Variants in GAS2L3 observed in about 807,000 individuals in gnomAD.
GAS2L3 encodes growth arrest specific 2 like 3, also known as GAS2-like protein 3.
In GAS2L3, 28 loss-of-function variants were observed where a neutral mutation model predicts 37.0. The observed-to-expected ratio is 0.76, with a 90% CI of 0.56 to 1.04. The LOEUF (loss-of-function observed/expected upper bound fraction) is 1.04, where lower values mean the gene tolerates loss of function less well. Ranked by LOEUF, GAS2L3 falls within the 50% of genes least tolerant of loss-of-function variation. The probability of loss-of-function intolerance (pLI) is 0.00; values close to 1 mark genes in which losing one functional copy is unlikely to be tolerated. For synonymous variants in GAS2L3, 290 were observed against 296.6 expected, an observed-to-expected ratio of 0.98 and a Z score of 0.23; for missense variants, 793 against 817.6, an observed-to-expected ratio of 0.97 and a Z score of 0.37.
At position 100,578,981 on chromosome 12, in the gene GAS2L3, A is replaced by G. The variant is rs189032359; in HGVS notation, c.-152+5196A>G. Reference sequence around the variant, plus strand: ...CCATGCTTATGGAAATCGAAAAGGCATCCGTTACCTCACTAATGACCTCAA... The same window carrying G: ...CCATGCTTATGGAAATCGAAAAGGCGTCCGTTACCTCACTAATGACCTCAA... On this transcript the variant is annotated intron_variant, in intron 1 of 9. Transcript: ENST00000547754. 253 of 889,742 alleles carry G rather than the reference A, an allele frequency of 2.8e-4. No homozygotes were observed. In the African/African-American group the frequency reaches 3.9e-3, roughly 14 times the overall value. The allele number at this position is 889,742 out of a possible 1,614,324, so 55.1% of individuals were successfully genotyped here. A position where few individuals can be genotyped will look rare whatever the true frequency, so the allele number is the denominator to read the frequency against.
intron 6 of GAS2L3, among the ~76,000 whole-genome samples, chr12:100,616,832 T>C (rs1391016916): frequency 6.6e-6 from 1 of 152,178 alleles, no homozygotes; most frequent in East Asian, 1.9e-4. Flanking sequence ...ATAAATGCCA[T>C]GGCTACATCC....
At position 100,589,247 on chromosome 12, in the gene GAS2L3, G is replaced by A. The variant is rs1313059372; in HGVS notation, c.-151-2489G>A. On this transcript the variant is annotated intron_variant, in intron 1 of 9. Coordinates refer to ENST00000547754, the MANE Select transcript of GAS2L3 (RefSeq NM_174942.3). ...AATTCAGCAAGGTTTCTGGATACAAGCTTAATGTACACAAATCAGTAGCTC... is the reference window on the plus strand; with the variant it reads ...AATTCAGCAAGGTTTCTGGATACAAACTTAATGTACACAAATCAGTAGCTC... Among the ~76,000 whole-genome samples, 5 of 152,162 alleles carry A rather than the reference G, an allele frequency of 3.3e-5. No homozygotes were observed. The East Asian group carries it at 9.7e-4, about 29-fold the overall frequency.
In GAS2L3 at chr12:100,624,990, C is replaced by G; in HGVS notation, c.*100C>G. On this transcript the variant is annotated 3_prime_UTR_variant, in exon 10 of 10. Transcript: ENST00000547754. The stretch of plus-strand genomic sequence containing the variant: ...TTGTGTCTGTCTAAATAGGTGCAGA[C>G]ACTAAGGATAGTGAGGATGGAGGCT... 1 of 905,826 alleles carries G rather than the reference C, an allele frequency of 1.1e-6. No homozygotes were observed. The highest frequency in any genetic ancestry group is 2.3e-5 in the Admixed American group (1 of 43,118). 56.1% of individuals were successfully genotyped at this position (905,826 alleles called of 1,614,324 possible).
At chr12:100,610,875 TTTAA>T (rs1197106684) in intron 5 of GAS2L3, 2 of 152,248 alleles carry the variant, frequency 1.3e-5, no homozygotes, top group African/African-American at 2.4e-5. Context: ...TTCAAAGAAC[TTTAA>T]TTAAGAAGGA....
At chr12:100,608,447 A>G (rs549062477) in intron 5 of GAS2L3, among the ~76,000 whole-genome samples, 2 of 152,258 alleles carry the variant, frequency 1.3e-5, no homozygotes, top group South Asian at 4.1e-4. Context: ...ACATCTAGCC[A>G]GGTTTGTGTC....
intron 1 of GAS2L3, among the ~76,000 whole-genome samples, chr12:100,582,470 C>T (rs1168152426): frequency 1.3e-5 from 2 of 152,180 alleles, no homozygotes; most frequent in East Asian, 1.9e-4. Flanking sequence ...TGACAGATAC[C>T]TTAATTGTAA....
intron 5 of GAS2L3, among the ~76,000 whole-genome samples, chr12:100,602,315 G>A (rs555477415): frequency 1.3e-4 from 20 of 152,120 alleles, no homozygotes; most frequent in African/African-American, 4.8e-4. Context: ...CTGAAGTCAT[G>A]ATTTGAAGTA....
In GAS2L3 at chr12:100,618,488, A is replaced by G; in HGVS notation, c.549A>G (p.Lys183=). 1 of 1,612,072 alleles carries G rather than the reference A, an allele frequency of 6.2e-7. No homozygotes were observed. Among genetic ancestry groups the G allele is most frequent in the Non-Finnish European group, 8.5e-7 (1 of 1,179,142 alleles). Residue 183 remains lysine, a synonymous_variant, in exon 8 of 10, where the codon AAA becomes AAG. Coordinates refer to ENST00000547754, the MANE Select transcript of GAS2L3 (RefSeq NM_174942.3). ...VEPPVLVKLE[K]EIELEETLLN... ...CACCAGTGTTAGTAAAACTTGAGAA[A>G]GAAATTGAGTTAGAAGAGACTTTGC...
At chr12:100,610,116 G>A (rs576802917) in intron 5 of GAS2L3, among the ~76,000 whole-genome samples, 4 of 152,258 alleles carry the variant, frequency 2.6e-5, no homozygotes, top group African/African-American at 9.6e-5. Flanking sequence ...CGGCTATCTC[G>A]CTCTGCCCCC....
chr12:100,599,497 T>C (rs891855651), intron 3 of GAS2L3, among the ~76,000 whole-genome samples: 2 of 152,190 alleles, frequency 1.3e-5, no homozygotes, highest in African/African-American at 4.8e-5. Context: ...GTACAAACTA[T>C]TCTTAGCTTC....
intron 3 of GAS2L3, 120 bp from the exon 4 acceptor site, chr12:100,600,262 G>A (rs1955968353): frequency 3.1e-6 from 2 of 652,548 alleles, no homozygotes; most frequent in Admixed American, 3.2e-5. Flanking sequence ...AGCCACAGCA[G>A]CTTTTTATAT....
chr12:100,616,311 A>G (rs202206492), intron 6 of GAS2L3, among the ~76,000 whole-genome samples: 2 of 152,146 alleles, frequency 1.3e-5, no homozygotes, highest in African/African-American at 2.4e-5. Context: ...ATTTTTGTGT[A>G]TTGATGTTAT....
At chr12:100,600,774 G>A (rs116683753) in intron 4 of GAS2L3, among the ~76,000 whole-genome samples, 22 of 152,204 alleles carry the variant, frequency 1.4e-4, no homozygotes, top group Admixed American at 9.2e-4. Context: ...CGATTTAACC[G>A]AAGAGGTCAG....
intron 1 of GAS2L3, among the ~76,000 whole-genome samples, chr12:100,577,715 A>G (rs1454925058): frequency 1.3e-5 from 2 of 152,252 alleles, no homozygotes; most frequent in Non-Finnish European, 2.9e-5. Context: ...TATAGAGTGC[A>G]GCAAAATAGA....
intron 5 of GAS2L3, among the ~76,000 whole-genome samples, chr12:100,603,034 C>A (rs1037864174): frequency 2.0e-5 from 3 of 152,126 alleles, no homozygotes; most frequent in Non-Finnish European, 4.4e-5. Context: ...TTTTCTTTAC[C>A]TAGTCATCTA....
chr12:100,588,313 G>A (rs1490048418), intron 1 of GAS2L3, among the ~76,000 whole-genome samples: 1 of 152,138 alleles, frequency 6.6e-6, no homozygotes, highest in Non-Finnish European at 1.5e-5. Context: ...GCTGCCAGGG[G>A]TGACATCACA....
intron 6 of GAS2L3, 87 bp downstream of exon 6, chr12:100,612,228 G>A (rs1956136529): frequency 9.6e-7 from 1 of 1,040,050 alleles, no homozygotes; most frequent in East Asian, 2.4e-5. Flanking sequence ...TCCAAATAAG[G>A]ACTCAAATGC....
At chr12:100,607,093 G>C (rs940267743) in intron 5 of GAS2L3, among the ~76,000 whole-genome samples, 30 of 152,134 alleles carry the variant, frequency 2.0e-4, no homozygotes, top group Non-Finnish European at 3.8e-4. Context: ...ACTCACTTTA[G>C]CATTTCTTGT....
At chr12:100,600,629 A>G (rs1336588750) in intron 4 of GAS2L3, 79 bp downstream of exon 4, 2 of 1,148,830 alleles carry the variant, frequency 1.7e-6, no homozygotes, top group Non-Finnish European at 2.6e-6. Flanking sequence ...TTTGTCAAGG[A>G]GTGATTGTTA....
Sources: allele counts gnomAD v4.1 joint callset (sites outside exome capture counted in the v4.1 genomes callset), GRCh38; gene constraint gnomAD v4.1.1; transcripts MANE v1.5; gene names NCBI Gene and HGNC (gene_info 2026-07-23, HGNC 2026-07-21).